Variants in FAM149B1 observed in about 807,000 individuals in gnomAD.
FAM149B1 encodes the protein primary cilium assembly protein FAM149B1.
In FAM149B1, 56 loss-of-function variants were observed where a neutral mutation model predicts 75.3. That is an observed-to-expected ratio of 0.74 (90% CI 0.60 to 0.93). The LOEUF is 0.93. FAM149B1 is among the 40% of genes least tolerant of loss of function. FAM149B1 has a pLI of 0.00. For missense variants in FAM149B1, 639 were observed against 708.4 expected, an observed-to-expected ratio of 0.90 and a Z score of 1.11; for synonymous variants, 259 against 256.1, an observed-to-expected ratio of 1.01 and a Z score of -0.11.
At chr10:73,240,714 C>CA (rs55812252) in intron 13 of FAM149B1, among the ~76,000 whole-genome samples, 4,194 of 106,558 alleles carry the variant, frequency 0.039, 123 homozygotes, top group African/African-American at 0.11. Context: ...ACTCCACCTC[C>CA]AAAAAAAAAA....
In FAM149B1 at chr10:73,234,920, G is replaced by GT. The variant is rs2043788318; in HGVS notation, c.1457dup (p.Pro488AlafsTer12). On this transcript the variant is annotated frameshift_variant, in exon 11 of 14. Coordinates refer to ENST00000242505, the MANE Select transcript of FAM149B1 (RefSeq NM_173348.2). LOFTEE classifies it high-confidence loss of function. ...AGCTGAAGTGGAACATGTGAGCACT[G>GT]TGGGGCCACAAAGACAGATGGTATG... The GT allele has an allele frequency of 3.2e-6, 5 of 1,552,036 alleles. No individual in the cohort carries two copies. Among genetic ancestry groups the GT allele is most frequent in the Non-Finnish European group, 3.5e-6 (4 of 1,147,066 alleles).
Position 73,242,380 on chromosome 10 carries a change from AC to A in FAM149B1, c.*1362del, listed in dbSNP as rs1378710346. 6.6e-6 allele frequency: 1 copy of A among 152,092 alleles called. No homozygotes were observed. Among genetic ancestry groups the A allele is most frequent in the African/African-American group, 2.4e-5 (1 of 41,402 alleles). The allele number at this position is 152,092 out of a possible 1,614,324, so 9.4% of individuals were successfully genotyped here. On this transcript the variant is annotated 3_prime_UTR_variant, in exon 14 of 14. Transcript: ENST00000242505. ...AAACCATTACCATGAGTTCACTATAACAACTGGATCAATATGGCTTGCCTTT... is the reference window on the plus strand; with the variant it reads ...AAACCATTACCATGAGTTCACTATAAAACTGGATCAATATGGCTTGCCTTT...
In FAM149B1 at chr10:73,168,187, G is replaced by T; in HGVS notation, c.-153G>T. The stretch of plus-strand genomic sequence containing the variant: ...AGGTGGGGACCCTGGGGAGGTGGCT[G>T]CTCGGAGTCTAGGTGACGGGGCGAG... On this transcript the variant is annotated 5_prime_UTR_variant, in exon 1 of 14. Coordinates refer to ENST00000242505, the MANE Select transcript of FAM149B1 (RefSeq NM_173348.2). 1.3e-6 allele frequency: 1 copy of T among 754,558 alleles called. No homozygotes were observed. The highest frequency in any genetic ancestry group is 3.2e-5 in the Admixed American group (1 of 31,302). The allele number at this position is 754,558 out of a possible 1,614,324, so 46.7% of individuals were successfully genotyped here. A position where few individuals can be genotyped will look rare whatever the true frequency, so the allele number is the denominator to read the frequency against.
In FAM149B1 at chr10:73,168,379, T is replaced by C; in HGVS notation, c.40T>C (p.Leu14=). 1 of 1,549,936 alleles carries C rather than the reference T, an allele frequency of 6.5e-7. No homozygotes were observed. Residue 14 remains leucine, a synonymous_variant, in exon 1 of 14, where the codon TTG becomes CTG. Coordinates refer to ENST00000242505, the MANE Select transcript of FAM149B1 (RefSeq NM_173348.2). ...CACTCGGAAGGCGGTGCCACAGAGC[T>C]TGGAGCTGTGAGTGGACTGCTCAGC... ...RYTRKAVPQS[L]ELKGITKHAL...
At chr10:73,169,626 A>T (rs1843619878) in intron 1 of FAM149B1, among the ~76,000 whole-genome samples, 1 of 151,076 alleles carries the variant, frequency 6.6e-6, no homozygotes, top group Admixed American at 6.6e-5. Context: ...CTGGCTAATT[A>T]AAAAAAAATT....
intron 3 of FAM149B1, chr10:73,192,199 CTTTTTTTTTTTTTT>C (rs35023018): frequency 8.8e-6 from 1 of 113,262 alleles, no homozygotes; most frequent in East Asian, 3.3e-4. Flanking sequence ...CACGCCTGGC[CTTTTTTTTTTTTTT>C]TTTTTTTTTT....
rs1223262214 is a variant in FAM149B1, at chr10:73,178,039, C to T, written c.282+64C>T. 5 of 1,439,614 alleles carry T rather than the reference C, an allele frequency of 3.5e-6. No individual in the cohort carries two copies. In the African/African-American group the frequency reaches 4.3e-5, roughly 12 times the overall value. The allele number at this position is 1,439,614 out of a possible 1,614,324, so 89.2% of individuals were successfully genotyped here. A position where few individuals can be genotyped will look rare whatever the true frequency, so the allele number is the denominator to read the frequency against. ...GATGATTCTGGGAATTAGGATTTGT[C>T]AGTATATTTCATTCCTTCACTCTCC... On this transcript the variant is annotated intron_variant, in intron 3 of 13. Transcript: ENST00000242505.
In FAM149B1 at chr10:73,243,299, T is replaced by C. The variant is rs1198883406; in HGVS notation, c.*2280T>C. Reference sequence around the variant, plus strand: ...AAAAATTCAGGCTGGAAAGACACCTTTTCTCAAGAGCTGAATTGACTTTTG... The same window carrying C: ...AAAAATTCAGGCTGGAAAGACACCTCTTCTCAAGAGCTGAATTGACTTTTG... On this transcript the variant is annotated 3_prime_UTR_variant, in exon 14 of 14. Coordinates refer to ENST00000242505, the MANE Select transcript of FAM149B1 (RefSeq NM_173348.2). The C allele has an allele frequency of 8.0e-6, 11 of 1,381,320 alleles. No individual in the cohort carries two copies. Among genetic ancestry groups the C allele is most frequent in the Non-Finnish European group, 1.1e-5 (11 of 1,004,708 alleles). The allele number at this position is 1,381,320 out of a possible 1,614,324, so 85.6% of individuals were successfully genotyped here. A position where few individuals can be genotyped will look rare whatever the true frequency, so the allele number is the denominator to read the frequency against.
intron 5 of FAM149B1, among the ~76,000 whole-genome samples, chr10:73,194,382 GATTT>G (rs2042750753): frequency 6.6e-6 from 1 of 152,044 alleles, no homozygotes; most frequent in Admixed American, 6.6e-5. Context: ...TTGAAAAAGT[GATTT>G]ATTTTTTATT....
intron 3 of FAM149B1, among the ~76,000 whole-genome samples, chr10:73,184,000 A>G (rs1287175907): frequency 6.6e-6 from 1 of 152,220 alleles, no homozygotes; most frequent in Non-Finnish European, 1.5e-5. Context: ...CAAACTATCC[A>G]GGAATTTATT....
At chr10:73,219,006 G>A (rs1401916340) in intron 7 of FAM149B1, among the ~76,000 whole-genome samples, 2 of 152,126 alleles carry the variant, frequency 1.3e-5, no homozygotes, top group Non-Finnish European at 2.9e-5. Flanking sequence ...AATAACAAGT[G>A]TCTCCCTCCA....
rs763100087 is a variant in FAM149B1, at chr10:73,243,627, G to T, written c.*2608G>T. On this transcript the variant is annotated 3_prime_UTR_variant, in exon 14 of 14. Transcript: ENST00000242505. Reference sequence around the variant, plus strand: ...TGGAATAACTACTAATGGGTATGGAGTTTTTTTGGAATGGTGAAAATGTCC... The same window carrying T: ...TGGAATAACTACTAATGGGTATGGATTTTTTTTGGAATGGTGAAAATGTCC... The T allele has an allele frequency of 1.6e-5, 23 of 1,424,246 alleles. No homozygotes were observed. Among genetic ancestry groups the T allele is most frequent in the Non-Finnish European group, 2.1e-5 (22 of 1,041,614 alleles). 88.2% of individuals were successfully genotyped at this position (1,424,246 alleles called of 1,614,324 possible).
chr10:73,207,869 C>T (rs920469515), intron 5 of FAM149B1, among the ~76,000 whole-genome samples: 12 of 152,216 alleles, frequency 7.9e-5, no homozygotes, highest in African/African-American at 2.4e-4. Flanking sequence ...TTTACAGGCT[C>T]ATAGCTGGAA....
At chr10:73,175,753 T>C (rs554309369) in intron 2 of FAM149B1, among the ~76,000 whole-genome samples, 1 of 146,724 alleles carries the variant, frequency 6.8e-6, no homozygotes, top group South Asian at 2.1e-4. Context: ...AACAATAAAA[T>C]AACATAACAT....
At chr10:73,197,372 T>G (rs2042828723) in intron 5 of FAM149B1, among the ~76,000 whole-genome samples, 1 of 152,240 alleles carries the variant, frequency 6.6e-6, no homozygotes, top group Non-Finnish European at 1.5e-5. Context: ...AAAAATGAAT[T>G]AATGTATGCA....
rs576255681 is a variant in FAM149B1 at position 73,244,119 on chromosome 10, T to C, written c.*3100T>C. On this transcript the variant is annotated 3_prime_UTR_variant, in exon 14 of 14. Coordinates refer to ENST00000242505, the MANE Select transcript of FAM149B1 (RefSeq NM_173348.2). ...TGACAGCAAGCAGTAGATCCTCTGA[T>C]TCCAATTACCATTTGTTTTTTACCC... is the stretch of plus-strand genomic sequence containing the variant. The C allele has an allele frequency of 3.8e-5, 22 of 576,518 alleles. 1 individual carries two copies. In the East Asian group the frequency reaches 6.1e-4, roughly 16 times the overall value. 35.7% of individuals were successfully genotyped at this position (576,518 alleles called of 1,614,324 possible). A position where few individuals can be genotyped will look rare whatever the true frequency, so the allele number is the denominator to read the frequency against.
chr10:73,179,624 A>G (rs1247742459), intron 3 of FAM149B1, among the ~76,000 whole-genome samples: 1 of 151,606 alleles, frequency 6.6e-6, no homozygotes. Context: ...CCTGGCCTCA[A>G]GCAATTCTCC....
intron 3 of FAM149B1, 36 bp from the exon 4 acceptor site, chr10:73,192,520 C>T (rs889026715): frequency 3.2e-5 from 50 of 1,540,482 alleles, no homozygotes; most frequent in Non-Finnish European, 3.9e-5. Context: ...AGTGAATCAG[C>T]TCACCTAAAT....
At chr10:73,223,487 G>T in intron 7 of FAM149B1, among the ~76,000 whole-genome samples, 1 of 152,232 alleles carries the variant, frequency 6.6e-6, no homozygotes. Context: ...ATACTATTAT[G>T]AATATTTTTG....
Sources: gnomAD v4.1 joint callset for allele counts (sites outside exome capture counted in the v4.1 genomes callset) on GRCh38, gnomAD v4.1.1 for gene constraint, MANE v1.5 for transcripts, NCBI Gene and HGNC (gene_info 2026-07-23, HGNC 2026-07-21) for gene names.